The following DHX36 variants were observed in gnomAD, a reference collection of about 807,000 sequenced individuals.
The protein encoded by DHX36 is ATP-dependent DNA/RNA helicase DHX36.
Under a neutral mutation model 139.0 loss-of-function variants are expected in DHX36, and 50 were observed. The ratio of observed to expected loss-of-function variants is 0.36; its 90% CI spans 0.29 to 0.46. The LOEUF (loss-of-function observed/expected upper bound fraction) is 0.46, where lower values mean the gene tolerates loss of function less well. DHX36 is among the 20% of genes least tolerant of loss of function. The pLI is 1.00. For missense variants in DHX36, 1,024 were observed against 1,211.3 expected (o/e 0.85, Z 2.29); for synonymous variants, 425 against 401.9 (o/e 1.06, Z -0.69).
intron 14 of DHX36, among the ~76,000 whole-genome samples, chr3:154,293,143 T>A (rs973171705): frequency 1.3e-5 from 2 of 152,098 alleles, no homozygotes; most frequent in African/African-American, 4.8e-5. Flanking sequence ...TATAACTAAT[T>A]ACCAAATACT....
rs1719256744 is a variant in DHX36 at position 154,279,230 on chromosome 3, G to A, written c.2567+1349C>T. On this transcript the variant is annotated intron_variant, in intron 22 of 24. Coordinates refer to ENST00000496811, the MANE Select transcript of DHX36 (RefSeq NM_020865.3). ...ATTTCTGTCCAACTCTGCTAGTGTA[G>A]AAGGAAAGCAGAATAGACAACATGA... 2.0e-5 allele frequency: 3 copies of A among 152,146 alleles called. No individual in the cohort carries two copies. In the South Asian group the frequency reaches 6.2e-4, roughly 32 times the overall value. 9.4% of individuals were successfully genotyped at this position (152,146 alleles called of 1,614,324 possible).
At chr3:154,286,406 C>T (rs1039105543) in intron 17 of DHX36, among the ~76,000 whole-genome samples, 5 of 151,596 alleles carry the variant, frequency 3.3e-5, no homozygotes, top group African/African-American at 1.2e-4. Flanking sequence ...GGGGACTTTA[C>T]AGCATTAATG....
At chr3:154,312,898 T>C (rs367962216) in intron 3 of DHX36, among the ~76,000 whole-genome samples, 1 of 71,074 alleles carries the variant, frequency 1.4e-5, no homozygotes, top group African/African-American at 5.7e-5. Context: ...TATATATATA[T>C]ATAAAATAAA....
intron 15 of DHX36, among the ~76,000 whole-genome samples, chr3:154,290,950 C>T (rs962241661): frequency 2.0e-5 from 3 of 150,276 alleles, no homozygotes; most frequent in Admixed American, 6.6e-5. Flanking sequence ...CCGGCTAAAA[C>T]GGTGAAACCC....
chr3:154,303,932 G>A (rs559521834), intron 8 of DHX36, among the ~76,000 whole-genome samples: 3 of 152,240 alleles, frequency 2.0e-5, no homozygotes, highest in Admixed American at 2.0e-4. Flanking sequence ...TTCATAACAA[G>A]CGAAACAAGC....
At chr3:154,292,462 T>C (rs1017741131) in intron 15 of DHX36, 89 bp downstream of exon 15, 2 of 1,528,430 alleles carry the variant, frequency 1.3e-6, no homozygotes, top group African/African-American at 2.8e-5. Context: ...GGTAACTCTT[T>C]TAATAAATAT....
At chr3:154,289,014 A>G (rs1044631153) in intron 16 of DHX36, 50 bp from the exon 17 acceptor site, 3 of 968,374 alleles carry the variant, frequency 3.1e-6, no homozygotes, top group Non-Finnish European at 4.5e-6. Flanking sequence ...TTAATATATT[A>G]GCATTACAAC....
intron 4 of DHX36, among the ~76,000 whole-genome samples, 164 bp from the exon 5 acceptor site, chr3:154,309,987 C>T (rs1389931348): frequency 6.6e-6 from 1 of 152,140 alleles, no homozygotes; most frequent in Non-Finnish European, 1.5e-5. Flanking sequence ...CTGGATCTAC[C>T]AACCTGCAAG....
intron 12 of DHX36, among the ~76,000 whole-genome samples, chr3:154,297,751 A>G (rs999608796): frequency 6.6e-6 from 1 of 152,086 alleles, no homozygotes; most frequent in African/African-American, 2.4e-5. Flanking sequence ...TATATTTAAA[A>G]TGTTTCATTA....
chr3:154,313,905 A>G, intron 3 of DHX36, among the ~76,000 whole-genome samples: 1 of 152,206 alleles, frequency 6.6e-6, no homozygotes, highest in Admixed American at 6.5e-5. Context: ...TACAACAGAC[A>G]TGTAGTCTCT....
At chr3:154,319,716 T>C (rs1453631636) in intron 1 of DHX36, among the ~76,000 whole-genome samples, 2 of 152,118 alleles carry the variant, frequency 1.3e-5, no homozygotes, top group African/African-American at 4.8e-5. Flanking sequence ...AGTAATGTGG[T>C]AGAGAATCAA....
intron 4 of DHX36, among the ~76,000 whole-genome samples, chr3:154,310,454 TA>T (rs1464529947): frequency 6.6e-6 from 1 of 151,866 alleles, no homozygotes; most frequent in African/African-American, 2.4e-5. Context: ...TTTTCATGTA[TA>T]AAACAATTTA....
At chr3:154,311,126 G>A (rs1712748664) in intron 4 of DHX36, among the ~76,000 whole-genome samples, 1 of 150,536 alleles carries the variant, frequency 6.6e-6, no homozygotes, top group Non-Finnish European at 1.5e-5. Flanking sequence ...GATGTCAGGT[G>A]GTAACAAGTG....
chr3:154,318,866 T>A (rs1425192571), intron 1 of DHX36, among the ~76,000 whole-genome samples: 1 of 152,182 alleles, frequency 6.6e-6, no homozygotes, highest in African/African-American at 2.4e-5. Flanking sequence ...TATCCTATAC[T>A]TCTTGCAGTG....
rs187969952 is a variant in DHX36 at position 154,281,531 on chromosome 3, T to C, written c.2377-669A>G. The stretch of plus-strand genomic sequence containing the variant: ...ATGCATCCTAATAACAGAATCATAG[T>C]ATAGAAATTCTTTATAAAACAATTA... On this transcript the variant is annotated intron_variant, in intron 20 of 24. Coordinates refer to ENST00000496811, the MANE Select transcript of DHX36 (RefSeq NM_020865.3). Among the ~76,000 whole-genome samples the C allele has an allele frequency of 3.1e-3, 473 of 152,184 alleles. 4 individuals are homozygous for C. Among genetic ancestry groups the C allele is most frequent in the African/African-American group, 0.011 (451 of 41,578 alleles).
chr3:154,289,063 T>G (rs1385189070), intron 16 of DHX36, 99 bp from the exon 17 acceptor site: 3 of 463,064 alleles, frequency 6.5e-6, no homozygotes, highest in African/African-American at 6.1e-5. Context: ...GCATCAAATT[T>G]ATACATGACT....
At position 154,314,827 on chromosome 3, in the gene DHX36, A is replaced by G. The variant is rs565586267; in HGVS notation, c.603+219T>C. ...TAGCATTTCTCAAACATTTCTTCTC[A>G]CCACATAAGCTTCTGTGGATGAGAT... On this transcript the variant is annotated intron_variant, in intron 3 of 24. Transcript: ENST00000496811. 4.5e-5 allele frequency: 18 copies of G among 404,374 alleles called. 1 individual carries two copies. Among genetic ancestry groups the G allele is most frequent in the Admixed American group, 2.1e-4 (5 of 23,786 alleles). 25.0% of individuals were successfully genotyped at this position (404,374 alleles called of 1,614,324 possible).
chr3:154,284,316 G>A (rs1054544935), intron 19 of DHX36, among the ~76,000 whole-genome samples: 10 of 151,766 alleles, frequency 6.6e-5, no homozygotes, highest in African/African-American at 2.2e-4. Context: ...GAGTAGCTGG[G>A]ATTACAAATG....
intron 14 of DHX36, 79 bp from the exon 15 acceptor site, chr3:154,292,773 A>G (rs1711877659): frequency 2.0e-6 from 3 of 1,535,880 alleles, no homozygotes; most frequent in Non-Finnish European, 2.6e-6. Flanking sequence ...CGAAAGCACT[A>G]TTAACCTATA....
Sources: gnomAD v4.1 joint callset for allele counts (sites outside exome capture counted in the v4.1 genomes callset) on GRCh38, gnomAD v4.1.1 for gene constraint, MANE v1.5 for transcripts, NCBI Gene and HGNC (gene_info 2026-07-23, HGNC 2026-07-21) for gene names.